ADGRL2: variants seen among roughly 807,000 people sequenced by gnomAD.
The protein encoded by ADGRL2 is calcium-independent alpha-latrotoxin receptor 2.
ADGRL2 carries 44 observed loss-of-function variants against 157.4 expected under a neutral mutation model. The observed-to-expected ratio is 0.28, with a 90% CI of 0.22 to 0.36. The LOEUF is 0.36. ADGRL2 is among the 10% of genes least tolerant of loss of function. The pLI, the probability that ADGRL2 is intolerant of heterozygous loss-of-function variation, is 1.00. For synonymous variants in ADGRL2, 585 were observed against 624.7 expected (o/e 0.94, Z 0.95); for missense variants, 1,510 against 1,768.9 (o/e 0.85, Z 2.63).
chr1:81,977,812 A>T (rs1660592144), intron 17 of ADGRL2, among the ~76,000 whole-genome samples: 1 of 151,682 alleles, frequency 6.6e-6, no homozygotes, highest in Admixed American at 6.6e-5. Flanking sequence ...AGAGCAAGGA[A>T]AAAAAACCCT....
At chr1:81,762,957 C>A (rs2085941396) in intron 2 of ADGRL2, among the ~76,000 whole-genome samples, 1 of 146,374 alleles carries the variant, frequency 6.8e-6, no homozygotes, top group Non-Finnish European at 1.5e-5. Context: ...GAGGCTGAGG[C>A]AGGAGAATGG....
At chr1:81,462,940 C>T (rs1196815215) in intron 2 of ADGRL2, among the ~76,000 whole-genome samples, 1 of 151,572 alleles carries the variant, frequency 6.6e-6, no homozygotes, top group African/African-American at 2.4e-5. Flanking sequence ...CTTGGCAAAA[C>T]CCAATTTCTA....
At chr1:81,536,842 A>G (rs905567549) in intron 2 of ADGRL2, among the ~76,000 whole-genome samples, 1 of 152,184 alleles carries the variant, frequency 6.6e-6, no homozygotes, top group Non-Finnish European at 1.5e-5. Flanking sequence ...TCATGTAGCT[A>G]AGTGTTTAGT....
chr1:81,782,268 T>C (rs1388091009), intron 2 of ADGRL2, among the ~76,000 whole-genome samples: 1 of 152,172 alleles, frequency 6.6e-6, no homozygotes, highest in African/African-American at 2.4e-5. Context: ...CCTACCCTGT[T>C]TCCTTCTTCT....
At chr1:81,448,048 G>A (rs2077631120) in intron 2 of ADGRL2, among the ~76,000 whole-genome samples, 1 of 151,434 alleles carries the variant, frequency 6.6e-6, no homozygotes, top group Admixed American at 6.6e-5. Flanking sequence ...GTTTCCTGAG[G>A]CCTCCCAAGA....
intron 3 of ADGRL2, among the ~76,000 whole-genome samples, chr1:81,930,427 A>G (rs2095205047): frequency 6.6e-6 from 1 of 152,148 alleles, no homozygotes; most frequent in South Asian, 2.1e-4. Flanking sequence ...ATTTATCTTA[A>G]TTTCAAAAAA....
At chr1:81,542,679 T>A (rs995827901) in intron 2 of ADGRL2, among the ~76,000 whole-genome samples, 2 of 152,220 alleles carry the variant, frequency 1.3e-5, no homozygotes, top group African/African-American at 4.8e-5. Flanking sequence ...ATACAGTGGC[T>A]ATTATTTTGA....
At chr1:81,809,235 T>C (rs2089549508) in intron 1 of ADGRL2, among the ~76,000 whole-genome samples, 1 of 151,976 alleles carries the variant, frequency 6.6e-6, no homozygotes, top group African/African-American at 2.4e-5. Flanking sequence ...AAGAAGCCTA[T>C]TTAAGGCTAA....
chr1:81,594,059 G>A (rs1007493897), intron 3 of ADGRL2, among the ~76,000 whole-genome samples: 6 of 152,158 alleles, frequency 3.9e-5, no homozygotes, highest in Non-Finnish European at 8.8e-5. Flanking sequence ...TGGCTCAGGA[G>A]AGTATAAGCT....
chr1:81,984,797 C>A, intron 20 of ADGRL2, 86 bp downstream of exon 20: 2 of 1,383,316 alleles, frequency 1.4e-6, no homozygotes, highest in Non-Finnish European at 2.0e-6. Context: ...CACTAATTGT[C>A]TTCTCATTAT....
chr1:81,331,212 G>C (rs1661244156), intron 1 of ADGRL2, among the ~76,000 whole-genome samples: 1 of 152,080 alleles, frequency 6.6e-6, no homozygotes, highest in Non-Finnish European at 1.5e-5. Context: ...TTAAACATCA[G>C]ACAGTATGAA....
At chr1:81,583,405 T>TG (rs935845796) in intron 3 of ADGRL2, among the ~76,000 whole-genome samples, 1 of 152,044 alleles carries the variant, frequency 6.6e-6, no homozygotes, top group African/African-American at 2.4e-5. Context: ...TGTTTGTTGT[T>TG]TTTTTTTCTT....
In ADGRL2 at chr1:81,430,799, A is replaced by G. The variant is rs2077305684; in HGVS notation, c.-301-14237A>G. 2.6e-5 allele frequency among the ~76,000 whole-genome samples: 4 copies of G among 152,184 alleles called. No homozygotes were observed. In the South Asian group the frequency reaches 8.3e-4, roughly 32 times the overall value. On this transcript the variant is annotated intron_variant, in intron 1 of 24. Coordinates refer to the ADGRL2 transcript ENST00000370721. ...TACAAACTCTGTTAAGCTCTGGCTT[A>G]AGACGTGCAGAAAGTGCCAATCCTC...
intron 3 of ADGRL2, among the ~76,000 whole-genome samples, chr1:81,917,521 A>T (rs940393035): frequency 1.1e-4 from 17 of 152,276 alleles, no homozygotes; most frequent in African/African-American, 3.8e-4. Context: ...TTATGAAAAA[A>T]ATAGAAGTAA....
At chr1:81,681,591 C>A (rs1015373444) in intron 3 of ADGRL2, among the ~76,000 whole-genome samples, 1 of 152,180 alleles carries the variant, frequency 6.6e-6, no homozygotes, top group Non-Finnish European at 1.5e-5. Context: ...AACAAGTTTG[C>A]TTTTACACAG....
chr1:81,558,087 C>A (rs1275358847), intron 2 of ADGRL2, among the ~76,000 whole-genome samples: 1 of 152,172 alleles, frequency 6.6e-6, no homozygotes, highest in African/African-American at 2.4e-5. Context: ...CCCCATCACA[C>A]AATTCAGTGC....
intron 3 of ADGRL2, among the ~76,000 whole-genome samples, chr1:81,624,434 AGC>A (rs2081865772): frequency 6.6e-6 from 1 of 151,984 alleles, no homozygotes; most frequent in African/African-American, 2.4e-5. Context: ...TACAAAAATT[AGC>A]CAGGCGTGGT....
intron 2 of ADGRL2, among the ~76,000 whole-genome samples, chr1:81,768,838 T>G (rs1178259172): frequency 6.6e-6 from 1 of 152,084 alleles, no homozygotes; most frequent in African/African-American, 2.4e-5. Flanking sequence ...CCCAGCATTT[T>G]GGGAGGTCGA....
In ADGRL2 at chr1:81,652,292, T is replaced by A. The variant is rs2082437958; in HGVS notation, c.-143+71312T>A. Reference sequence around the variant, plus strand: ...TATATCTCTGAACACAACATCCTTATAAATGTTAAGTCCATTTTCAGCTTT... The same window carrying A: ...TATATCTCTGAACACAACATCCTTAAAAATGTTAAGTCCATTTTCAGCTTT... On this transcript the variant is annotated intron_variant, in intron 3 of 24. Transcript: ENST00000370721. 2.6e-5 allele frequency among the ~76,000 whole-genome samples: 4 copies of A among 152,222 alleles called. No individual in the cohort carries two copies. The South Asian group carries it at 8.3e-4, about 31-fold the overall frequency.
Sources: allele counts gnomAD v4.1 joint callset (sites outside exome capture counted in the v4.1 genomes callset), GRCh38; gene constraint gnomAD v4.1.1; transcripts MANE v1.5; gene names NCBI Gene and HGNC (gene_info 2026-07-23, HGNC 2026-07-21).